Variants in DMD observed in about 807,000 individuals in gnomAD.
DMD encodes mutant dystrophin.
In DMD, 63 loss-of-function variants were observed where a neutral mutation model predicts 330.1. That is an observed-to-expected ratio of 0.19 (90% CI 0.16 to 0.24). The LOEUF is 0.24. DMD is among the 10% of genes least tolerant of loss of function. The probability of loss-of-function intolerance (pLI) is 1.00; values close to 1 mark genes in which losing one functional copy is unlikely to be tolerated. For synonymous variants in DMD, 1,223 were observed against 959.8 expected (o/e 1.27, Z -5.07); for missense variants, 3,344 against 2,684.1 (o/e 1.25, Z -5.43).
At chrX:32,952,145 T>G (rs1165585689) in intron 2 of DMD, among the ~76,000 whole-genome samples, 2 of 109,921 alleles carry the variant, frequency 1.8e-5, no homozygotes, top group African/African-American at 6.6e-5. Context: ...GTTTGTTTTT[T>G]TTTTTTGAGA....
rs863224981 is a variant in DMD, at chrX:32,614,397, C to A, written c.1388G>T (p.Trp463Leu). The part of the protein sequence containing the change: ...QNQKLKELND[W>L]LTKTEERTRK... ...TGTTCTTTCTTCTGTTTTTGTTAGC[C>A]AGTCATTCAACTCTTTCAGTTTCTG... The change falls in exon 12 of 79, where the codon TGG (tryptophan) becomes TTG (leucine). Residue 463 changes from tryptophan (W) to leucine (L), a missense_variant. Trp to Leu is a moderately conservative substitution (Grantham distance 61). Coordinates refer to ENST00000357033, the MANE Select transcript of DMD (RefSeq NM_004006.3). 8.3e-7 allele frequency: 1 copy of A among 1,205,235 alleles called. No homozygotes were observed. Among genetic ancestry groups the A allele is most frequent in the Admixed American group, 2.2e-5 (1 of 45,366 alleles).
chrX:32,732,105 C>T (rs183580327), intron 7 of DMD, among the ~76,000 whole-genome samples: 9 of 111,147 alleles, frequency 8.1e-5, no homozygotes, highest in South Asian at 3.8e-4. Flanking sequence ...TAGAGAAGTA[C>T]GTGAAGAATG....
intron 1 of DMD, among the ~76,000 whole-genome samples, chrX:33,096,703 A>G (rs1335683820): frequency 1.8e-5 from 2 of 110,997 alleles, no homozygotes; most frequent in African/African-American, 6.5e-5. Context: ...ATGGGGTTTC[A>G]CCATGTGGGC....
At chrX:32,287,804 T>G in intron 42 of DMD, 103 bp from the exon 43 acceptor site, 1 of 564,712 alleles carries the variant, frequency 1.8e-6, no homozygotes. Context: ...CAAATGGTGT[T>G]GCAATTCTTA....
At chrX:32,561,820 C>T (rs2051048262) in intron 16 of DMD, among the ~76,000 whole-genome samples, 1 of 111,326 alleles carries the variant, frequency 9.0e-6, no homozygotes, top group East Asian at 2.8e-4. Flanking sequence ...AAAGGGAAGC[C>T]CATCAGGGTA....
At chrX:32,021,950 T>G (rs73451861) in intron 44 of DMD, among the ~76,000 whole-genome samples, 7,347 of 111,650 alleles carry the variant, frequency 0.066, 498 homozygotes, top group African/African-American at 0.2. Context: ...AAAATCCAGG[T>G]TTTCACCCTT....
chrX:32,399,325 C>G (rs1157984897), intron 30 of DMD, among the ~76,000 whole-genome samples: 1 of 111,358 alleles, frequency 9.0e-6, no homozygotes, highest in Non-Finnish European at 1.9e-5. Flanking sequence ...AAAATATTTC[C>G]AAACTACCCA....
intron 52 of DMD, among the ~76,000 whole-genome samples, chrX:31,722,246 G>A (rs2085626035): frequency 9.1e-6 from 1 of 109,995 alleles, no homozygotes; most frequent in Admixed American, 9.7e-5. Context: ...AGCCTCCCGA[G>A]TAGCTGGGAT....
rs183040984 is a variant in DMD, at chrX:32,517,811, C to G, written c.2292+197G>C. 6.3e-6 allele frequency: 3 copies of G among 474,601 alleles called. No homozygotes were observed. The Admixed American group carries it at 1.2e-4, about 18-fold the overall frequency. The allele number at this position is 474,601 out of a possible 1,213,427, so 39.1% of individuals were successfully genotyped here. A position where few individuals can be genotyped will look rare whatever the true frequency, so the allele number is the denominator to read the frequency against. ...TTTATGAAAGGCATCCCTAGTCAGT[C>G]ACAGAAGAATCCAGAAAGATTTCTC... On this transcript the variant is annotated intron_variant, in intron 18 of 78. Coordinates refer to ENST00000357033, the MANE Select transcript of DMD (RefSeq NM_004006.3).
chrX:31,540,983 G>C (rs1160892485), intron 55 of DMD, among the ~76,000 whole-genome samples: 2 of 111,560 alleles, frequency 1.8e-5, no homozygotes, highest in Non-Finnish European at 3.8e-5. Flanking sequence ...GGAGAAAATG[G>C]GTGGAGAACT....
At chrX:32,980,952 A>G (rs1343150516) in intron 2 of DMD, among the ~76,000 whole-genome samples, 1 of 111,687 alleles carries the variant, frequency 9.0e-6, no homozygotes, top group Non-Finnish European at 1.9e-5. Context: ...CATTCCCTAT[A>G]TAATTTATAT....
At position 31,121,107 on chromosome X, in the gene DMD, GA is replaced by G. The variant is rs2032400133; in HGVS notation, c.*811del. 1 of 112,026 alleles carries G rather than the reference GA, an allele frequency of 8.9e-6. No individual in the cohort carries two copies. The allele number at this position is 112,026 out of a possible 1,213,427, so 9.2% of individuals were successfully genotyped here. ...ATTCTAGACCAAGCAGGTAAGCCTG[GA>G]TGACTGACTAGAAGTAATTTCTTTC... On this transcript the variant is annotated 3_prime_UTR_variant, in exon 79 of 79. Transcript: ENST00000357033.
intron 17 of DMD, among the ~76,000 whole-genome samples, chrX:32,535,922 A>G (rs1351851709): frequency 1.8e-5 from 2 of 111,754 alleles, no homozygotes; most frequent in African/African-American, 3.3e-5. Context: ...GCATGCAAAA[A>G]TAAAGTCATT....
intron 44 of DMD, among the ~76,000 whole-genome samples, chrX:32,188,035 C>G (rs2096955477): frequency 1.8e-5 from 2 of 110,522 alleles, no homozygotes; most frequent in Admixed American, 1.9e-4. Context: ...ATAGTTCTGC[C>G]AAAAGACAGA....
intron 16 of DMD, among the ~76,000 whole-genome samples, chrX:32,561,527 G>C (rs2051004323): frequency 8.9e-6 from 1 of 111,817 alleles, no homozygotes; most frequent in South Asian, 3.7e-4. Context: ...CTGAAGCAAA[G>C]ACTGTTTGGG....
intron 16 of DMD, among the ~76,000 whole-genome samples, chrX:32,562,089 G>A (rs1044546402): frequency 1.8e-5 from 2 of 111,984 alleles, no homozygotes; most frequent in Non-Finnish European, 3.8e-5. Flanking sequence ...CAAATTACAA[G>A]TATGTTTATA....
At chrX:32,787,283 A>C (rs1465622321) in intron 7 of DMD, among the ~76,000 whole-genome samples, 2 of 109,144 alleles carry the variant, frequency 1.8e-5, no homozygotes, top group African/African-American at 3.3e-5. Flanking sequence ...AAAGAGAGAG[A>C]GAACCACTCT....
At chrX:32,762,272 C>A (rs912310532) in intron 7 of DMD, among the ~76,000 whole-genome samples, 14 of 111,001 alleles carry the variant, frequency 1.3e-4, no homozygotes, top group African/African-American at 4.6e-4. Context: ...ACTCTATCAA[C>A]CGATGGTCAC....
At position 32,027,164 on chromosome X, in the gene DMD, G is replaced by GCGCGCGCACA. The variant is rs1557075784; in HGVS notation, c.6439-58651_6439-58650insTGTGCGCGCG. 3.4e-5 allele frequency among the ~76,000 whole-genome samples: 3 copies of GCGCGCGCACA among 89,517 alleles called. No individual in the cohort carries two copies. The East Asian group carries it at 1.1e-3, about 33-fold the overall frequency. 77.7% of individuals were successfully genotyped at this position (89,517 alleles called of 115,157 possible). On this transcript the variant is annotated intron_variant, in intron 44 of 78. Coordinates refer to ENST00000357033, the MANE Select transcript of DMD (RefSeq NM_004006.3). ...TTATGACACACACACACACGCACGT[G>GCGCGCGCACA]CACACACACACACACACACAGAGAG...
Sources: allele counts gnomAD v4.1 joint callset (sites outside exome capture counted in the v4.1 genomes callset), GRCh38; gene constraint gnomAD v4.1.1; transcripts MANE v1.5; gene names NCBI Gene and HGNC (gene_info 2026-07-23, HGNC 2026-07-21).